ZNF195: variants seen among roughly 807,000 people sequenced by gnomAD.
ZNF195 encodes hypoxia-regulated factor-1.
ZNF195 carries 11 observed loss-of-function variants against 19.5 expected under a neutral mutation model. That is an observed-to-expected ratio of 0.57 (90% CI 0.36 to 0.94). ZNF195 has a LOEUF of 0.94. ZNF195 is among the 40% of genes least tolerant of loss of function. ZNF195 has a pLI of 0.01. For missense variants in ZNF195, 582 were observed against 709.0 expected, an observed-to-expected ratio of 0.82 and a Z score of 2.03; for synonymous variants, 214 against 248.1, an observed-to-expected ratio of 0.86 and a Z score of 1.29.
rs753260051 is a variant in ZNF195 at position 3,360,564 on chromosome 11, A to C, written c.444T>G (p.Ala148=). 3.8e-6 allele frequency: 6 copies of C among 1,558,970 alleles called. No homozygotes were observed. Among genetic ancestry groups the C allele is most frequent in the Non-Finnish European group, 4.3e-6 (5 of 1,160,008 alleles). The part of the protein sequence containing the change: ...FLEFRCIFSL[A]MSSHFTQDLL... ...GGTCTTGGGTAAAATGAGAAGACAT[A>C]GCTGAAAAAAAAAAAAAAAGTTATC... The change falls in exon 6 of 6, where the codon GCT becomes GCG. Residue 148 remains alanine (A), a splice_region_variant and synonymous_variant. Coordinates refer to ENST00000399602, the MANE Select transcript of ZNF195 (RefSeq NM_001130520.3).
At position 3,358,442 on chromosome 11, in the gene ZNF195, A is replaced by G. The variant is rs1336202347; in HGVS notation, c.*676T>C. 1 of 152,208 alleles carries G rather than the reference A, an allele frequency of 6.6e-6. No individual in the cohort carries two copies. Among genetic ancestry groups the G allele is most frequent in the Non-Finnish European group, 1.5e-5 (1 of 68,036 alleles). 9.4% of individuals were successfully genotyped at this position (152,208 alleles called of 1,614,324 possible). On this transcript the variant is annotated 3_prime_UTR_variant, in exon 6 of 6. Transcript: ENST00000399602. Reference sequence around the variant, plus strand: ...TACATTTCAGTGTCTTTCACCTTTCACGGACAAGTATATCAGTGATGCACA... The same window carrying G: ...TACATTTCAGTGTCTTTCACCTTTCGCGGACAAGTATATCAGTGATGCACA...
chr11:3,374,493 G>A (rs1249936420), intron 1 of ZNF195, among the ~76,000 whole-genome samples: 1 of 152,236 alleles, frequency 6.6e-6, no homozygotes. Flanking sequence ...AGGAAGCAAT[G>A]TCTGAGTCTG....
At chr11:3,360,867 G>C (rs981116585) in intron 4 of ZNF195, 79 bp from the exon 5 acceptor site, 1 of 1,235,972 alleles carries the variant, frequency 8.1e-7, no homozygotes, top group Non-Finnish European at 1.1e-6. Flanking sequence ...ATAGCATCAT[G>C]CCTTTAAGAG....
intron 2 of ZNF195, 55 bp from the exon 3 acceptor site, chr11:3,371,125 C>T: frequency 9.0e-6 from 14 of 1,548,184 alleles, no homozygotes; most frequent in Non-Finnish European, 1.2e-5. Flanking sequence ...CAATTATCAA[C>T]CTTGTACTGT....
chr11:3,374,829 C>T (rs931029016), intron 1 of ZNF195, among the ~76,000 whole-genome samples: 3 of 152,246 alleles, frequency 2.0e-5, no homozygotes, highest in Admixed American at 2.0e-4. Flanking sequence ...TTTATCTTCA[C>T]TTTCTTGTGG....
At chr11:3,369,791 T>C (rs1294576319) in intron 3 of ZNF195, among the ~76,000 whole-genome samples, 2 of 152,234 alleles carry the variant, frequency 1.3e-5, no homozygotes, top group African/African-American at 4.8e-5. Flanking sequence ...ATGAGTAAGT[T>C]TGGGGAATCT....
chr11:3,375,180 G>A (rs1849399408), intron 1 of ZNF195, among the ~76,000 whole-genome samples: 1 of 152,218 alleles, frequency 6.6e-6, no homozygotes, highest in South Asian at 2.1e-4. Flanking sequence ...GTCTGGGCAT[G>A]TCTGGGCAGG....
rs1848479116 is a variant in ZNF195 at position 3,358,426 on chromosome 11, G to GT, written c.*691dup. On this transcript the variant is annotated 3_prime_UTR_variant, in exon 6 of 6. Coordinates refer to ENST00000399602, the MANE Select transcript of ZNF195 (RefSeq NM_001130520.3). ...TTTTACTCACGCATCTTACATTTCA[G>GT]TGTCTTTCACCTTTCACGGACAAGT... The GT allele has an allele frequency of 6.6e-6, 1 of 152,202 alleles. No individual in the cohort carries two copies. Among genetic ancestry groups the GT allele is most frequent in the African/African-American group, 2.4e-5 (1 of 41,442 alleles). 9.4% of individuals were successfully genotyped at this position (152,202 alleles called of 1,614,324 possible).
At chr11:3,375,800 C>T (rs181511081) in intron 1 of ZNF195, 5 of 152,296 alleles carry the variant, frequency 3.3e-5, no homozygotes, top group African/African-American at 2.4e-5. Context: ...GAGGAACAAA[C>T]CCTGGGTGAC....
chr11:3,365,049 T>C (rs1048418544), intron 3 of ZNF195, among the ~76,000 whole-genome samples: 3 of 152,198 alleles, frequency 2.0e-5, no homozygotes, highest in African/African-American at 7.2e-5. Context: ...TCACAGGAGA[T>C]AAAGATTAAT....
Position 3,379,024 on chromosome 11 carries a change from G to GC in ZNF195, c.3+13dup. 6.8e-7 allele frequency: 1 copy of GC among 1,466,088 alleles called. No homozygotes were observed. Among genetic ancestry groups the GC allele is most frequent in the South Asian group, 1.4e-5 (1 of 72,108 alleles). 90.8% of individuals were successfully genotyped at this position (1,466,088 alleles called of 1,614,324 possible). On this transcript the variant is annotated intron_variant, in intron 1 of 5. Transcript: ENST00000399602. ...CCCTCCCTGTCTCTCAGGAGGCCTG[G>GC]CCCCTACACTCACCATCTCCTGGCC...
intron 3 of ZNF195, chr11:3,366,823 G>T: frequency 2.5e-6 from 1 of 403,320 alleles, no homozygotes; most frequent in Non-Finnish European, 5.1e-6. Flanking sequence ...CCAGCACTTC[G>T]GGAGACCGAG....
At chr11:3,364,173 A>C (rs1285193103) in intron 3 of ZNF195, among the ~76,000 whole-genome samples, 1 of 152,212 alleles carries the variant, frequency 6.6e-6, no homozygotes, top group African/African-American at 2.4e-5. Context: ...AAGAAATGCT[A>C]AAGGTTGGGT....
intron 1 of ZNF195, among the ~76,000 whole-genome samples, chr11:3,376,561 A>C (rs74335199): frequency 0.014 from 2,157 of 152,350 alleles, 38 homozygotes; most frequent in African/African-American, 0.047. Flanking sequence ...CTTAGGTTTA[A>C]ATAAGAAAAT....
chr11:3,362,055 G>T, intron 3 of ZNF195, 166 bp from the exon 4 acceptor site: 1 of 441,682 alleles, frequency 2.3e-6, no homozygotes, highest in Non-Finnish European at 4.6e-6. Flanking sequence ...ATAAATCCCT[G>T]TCTCAAAAAA....
intron 1 of ZNF195, among the ~76,000 whole-genome samples, chr11:3,374,944 A>C (rs1452072265): frequency 6.6e-6 from 1 of 152,228 alleles, no homozygotes; most frequent in Non-Finnish European, 1.5e-5. Context: ...AGGCTCCAAA[A>C]TAGAGAGTCC....
At chr11:3,374,133 T>C (rs1429760160) in intron 1 of ZNF195, among the ~76,000 whole-genome samples, 1 of 152,236 alleles carries the variant, frequency 6.6e-6, no homozygotes, top group Non-Finnish European at 1.5e-5. Context: ...GTCCATGTGA[T>C]TTAATTAGAA....
chr11:3,361,340 G>T (rs1350761697), intron 4 of ZNF195, among the ~76,000 whole-genome samples: 1 of 152,110 alleles, frequency 6.6e-6, no homozygotes, highest in Non-Finnish European at 1.5e-5. Flanking sequence ...AAGTATTAGG[G>T]TCACATGGCA....
At chr11:3,371,422 T>G (rs1461411236) in intron 2 of ZNF195, among the ~76,000 whole-genome samples, 155 bp downstream of exon 2, 1 of 152,178 alleles carries the variant, frequency 6.6e-6, no homozygotes, top group Non-Finnish European at 1.5e-5. Flanking sequence ...TGAAGATTTT[T>G]TTTTTTTTTA....
Sources: allele counts gnomAD v4.1 joint callset (sites outside exome capture counted in the v4.1 genomes callset), GRCh38; gene constraint gnomAD v4.1.1; transcripts MANE v1.5; gene names NCBI Gene and HGNC (gene_info 2026-07-23, HGNC 2026-07-21).